SEC24B: variants seen among roughly 807,000 people sequenced by gnomAD.
The protein encoded by SEC24B is protein transport protein Sec24B.
A neutral mutation model predicts 142.8 loss-of-function variants in SEC24B; 45 were observed. The ratio of observed to expected loss-of-function variants is 0.32; its 90% CI spans 0.25 to 0.40. The LOEUF (loss-of-function observed/expected upper bound fraction) is 0.40. SEC24B is among the 10% of genes least tolerant of loss of function. The pLI, the probability that SEC24B is intolerant of heterozygous loss-of-function variation, is 1.00. For synonymous variants in SEC24B, 574 were observed against 568.2 expected, an observed-to-expected ratio of 1.01 and a Z score of -0.15; for missense variants, 1,409 against 1,526.8, an observed-to-expected ratio of 0.92 and a Z score of 1.29.
At chr4:109,511,274 A>G (rs1467858617) in intron 8 of SEC24B, among the ~76,000 whole-genome samples, 1 of 152,022 alleles carries the variant, frequency 6.6e-6, no homozygotes, top group Non-Finnish European at 1.5e-5. Context: ...TCAGTTAACT[A>G]TATTTCCTGA....
At chr4:109,435,612 T>G (rs1051005837) in intron 1 of SEC24B, among the ~76,000 whole-genome samples, 2 of 152,250 alleles carry the variant, frequency 1.3e-5, no homozygotes, top group African/African-American at 2.4e-5. Context: ...CCAGGATATG[T>G]ACTCAGCCAA....
chr4:109,514,802 T>C (rs1290842173), intron 10 of SEC24B, among the ~76,000 whole-genome samples: 1 of 152,248 alleles, frequency 6.6e-6, no homozygotes, highest in Non-Finnish European at 1.5e-5. Flanking sequence ...GAGTAAGCGA[T>C]GTGCATTAAA....
chr4:109,439,786 C>T (rs1269022882), intron 1 of SEC24B, among the ~76,000 whole-genome samples: 1 of 150,876 alleles, frequency 6.6e-6, no homozygotes, highest in Non-Finnish European at 1.5e-5. Context: ...CAGGCGTGAG[C>T]CACTGAGCCT....
chr4:109,521,078 TG>T (rs1723560979), intron 12 of SEC24B, 38 bp from the exon 13 acceptor site: 2 of 1,243,864 alleles, frequency 1.6e-6, no homozygotes, highest in African/African-American at 1.5e-5. Context: ...TGTATTCTTT[TG>T]TTCGATTTGT....
chr4:109,454,594 G>GTGGCCTCAGAAA (rs1363217350), intron 1 of SEC24B, among the ~76,000 whole-genome samples: 3 of 151,548 alleles, frequency 2.0e-5, no homozygotes, highest in African/African-American at 7.3e-5. Flanking sequence ...GGCCTCAGAA[G>GTGGCCTCAGAAA]TAGCCTCAGA....
Position 109,494,740 on chromosome 4 carries a change from C to A in SEC24B, c.1372C>A (p.Pro458Thr), listed in dbSNP as rs1303313569. 2 of 1,614,220 alleles carry A rather than the reference C, an allele frequency of 1.2e-6. No individual in the cohort carries two copies. ...VVPQPSKMAK[P>T]FGYGYPTLQP... ...CCCTCAGCCTTCAAAAATGGCTAAG[C>A]CTTTTGGCTATGGCTATCCAACACT... Residue 458 changes from proline (P) to threonine (T), a missense_variant, in exon 6 of 24, where the codon CCT (proline) becomes ACT (threonine). By Grantham distance (38) the Pro-to-Thr change is conservative. Transcript: ENST00000265175.
At chr4:109,467,327 A>T (rs1331304645) in intron 2 of SEC24B, among the ~76,000 whole-genome samples, 2 of 122,254 alleles carry the variant, frequency 1.6e-5, no homozygotes, top group Non-Finnish European at 3.9e-5. Context: ...CTCCGTCTCA[A>T]AAAAAAAAAA....
intron 1 of SEC24B, among the ~76,000 whole-genome samples, chr4:109,437,234 T>C (rs1728490441): frequency 1.3e-5 from 2 of 152,198 alleles, no homozygotes; most frequent in African/African-American, 4.8e-5. Flanking sequence ...ACACATCTGG[T>C]CACAGAAGTG....
intron 2 of SEC24B, among the ~76,000 whole-genome samples, chr4:109,465,147 ATGAATAT>A (rs1200913389): frequency 6.6e-6 from 1 of 152,322 alleles, no homozygotes; most frequent in East Asian, 1.9e-4. Flanking sequence ...AGGCTGGAAA[ATGAATAT>A]TGAATCTTTT....
chr4:109,518,605 A>G (rs145895306), intron 11 of SEC24B, among the ~76,000 whole-genome samples: 3 of 152,294 alleles, frequency 2.0e-5, no homozygotes, highest in African/African-American at 7.2e-5. Flanking sequence ...TCAAGATTTT[A>G]AAAATTGAGA....
intron 1 of SEC24B, chr4:109,450,628 A>G (rs1376166860): frequency 6.6e-6 from 1 of 150,844 alleles, no homozygotes; most frequent in East Asian, 1.9e-4. Context: ...ACTGCACTCC[A>G]ACCTGGGTGA....
intron 1 of SEC24B, among the ~76,000 whole-genome samples, chr4:109,451,935 G>T (rs1340674808): frequency 6.6e-6 from 1 of 151,934 alleles, no homozygotes; most frequent in Non-Finnish European, 1.5e-5. Context: ...TTGATATCCT[G>T]GTTGATTTTT....
At chr4:109,452,932 C>T (rs1460761943) in intron 1 of SEC24B, among the ~76,000 whole-genome samples, 6 of 152,128 alleles carry the variant, frequency 3.9e-5, no homozygotes, top group South Asian at 2.1e-4. Context: ...AATAATTCAA[C>T]GTTATTTCAC....
At chr4:109,524,685 G>A in intron 14 of SEC24B, 133 bp from the exon 15 acceptor site, 2 of 647,538 alleles carry the variant, frequency 3.1e-6, no homozygotes, top group African/African-American at 1.9e-5. Flanking sequence ...TAGGGAATCT[G>A]CACCAAATGC....
intron 3 of SEC24B, among the ~76,000 whole-genome samples, chr4:109,475,139 C>T (rs1732973752): frequency 6.6e-6 from 1 of 152,142 alleles, no homozygotes; most frequent in South Asian, 2.1e-4. Flanking sequence ...TCTTGGTTTA[C>T]CTAAGATAAG....
intron 1 of SEC24B, among the ~76,000 whole-genome samples, chr4:109,460,946 A>AT (rs1214387152): frequency 1.3e-5 from 2 of 151,824 alleles, no homozygotes; most frequent in Non-Finnish European, 1.5e-5. Context: ...TGATTTAAAA[A>AT]TCTGTCAAGC....
chr4:109,437,574 G>A (rs1379349546), intron 1 of SEC24B, among the ~76,000 whole-genome samples: 1 of 152,206 alleles, frequency 6.6e-6, no homozygotes, highest in East Asian at 1.9e-4. Context: ...ATAGGTGTGA[G>A]CCACTGGGCT....
intron 7 of SEC24B, among the ~76,000 whole-genome samples, chr4:109,507,405 C>T (rs1016433907): frequency 4.7e-5 from 7 of 149,532 alleles, no homozygotes; most frequent in African/African-American, 1.7e-4. Context: ...CACCAAGTAG[C>T]TGAGATTACG....
At chr4:109,533,944 GAT>G (rs1278712984) in intron 22 of SEC24B, among the ~76,000 whole-genome samples, 2 of 151,964 alleles carry the variant, frequency 1.3e-5, no homozygotes, top group African/African-American at 4.8e-5. Flanking sequence ...GCCTGTTCTG[GAT>G]ATGTTATATA....
Sources: gnomAD v4.1 joint callset for allele counts (sites outside exome capture counted in the v4.1 genomes callset) on GRCh38, gnomAD v4.1.1 for gene constraint, MANE v1.5 for transcripts, NCBI Gene and HGNC (gene_info 2026-07-23, HGNC 2026-07-21) for gene names.